The following METTL15 variants were observed in gnomAD, a reference collection of about 807,000 sequenced individuals.
The protein encoded by METTL15 is 12S rRNA N(4)-cytidine methyltransferase METTL15.
In METTL15, 34 loss-of-function variants were observed where a neutral mutation model predicts 38.3. The ratio of observed to expected loss-of-function variants is 0.89; its 90% CI spans 0.68 to 1.18. METTL15 has a LOEUF of 1.18. METTL15 is among the 50% of genes most tolerant of loss of function. The pLI is 0.00. For synonymous variants in METTL15, 162 were observed against 170.9 expected, an observed-to-expected ratio of 0.95 and a Z score of 0.41; for missense variants, 438 against 498.4, an observed-to-expected ratio of 0.88 and a Z score of 1.15.
At chr11:28,176,726 A>G (rs940009798) in intron 3 of METTL15, among the ~76,000 whole-genome samples, 16 of 152,060 alleles carry the variant, frequency 1.1e-4, no homozygotes, top group South Asian at 8.3e-4. Flanking sequence ...GTTATTATCT[A>G]TCTGACCTTT....
At chr11:28,175,778 A>G (rs1211040641) in intron 3 of METTL15, among the ~76,000 whole-genome samples, 1 of 152,072 alleles carries the variant, frequency 6.6e-6, no homozygotes, top group Non-Finnish European at 1.5e-5. Context: ...TTTTGCTGCC[A>G]TTGCCCTAAT....
At chr11:28,189,252 A>G (rs182766761) in intron 3 of METTL15, among the ~76,000 whole-genome samples, 3 of 151,448 alleles carry the variant, frequency 2.0e-5, no homozygotes, top group East Asian at 1.9e-4. Context: ...AAATTGCTAC[A>G]AAGTCACTAC....
chr11:28,375,850 G>T (rs1363260825), intron 5 of METTL15, among the ~76,000 whole-genome samples: 8 of 151,632 alleles, frequency 5.3e-5, no homozygotes, highest in Admixed American at 1.3e-4. Flanking sequence ...GCGTCCCAGA[G>T]ATTCTGGTAT....
intron 4 of METTL15, among the ~76,000 whole-genome samples, chr11:28,242,255 T>C (rs553860418): frequency 6.6e-6 from 1 of 152,330 alleles, no homozygotes; most frequent in African/African-American, 2.4e-5. Context: ...TGTTACTATA[T>C]TTAGGTTTAT....
At chr11:28,340,677 T>G (rs1238158188) in intron 3 of METTL15, among the ~76,000 whole-genome samples, 4 of 151,906 alleles carry the variant, frequency 2.6e-5, no homozygotes, top group Non-Finnish European at 5.9e-5. Flanking sequence ...AAACAACAGA[T>G]CTGGAGAGGA....
At chr11:28,143,549 C>T (rs1849772806) in intron 3 of METTL15, among the ~76,000 whole-genome samples, 2 of 152,112 alleles carry the variant, frequency 1.3e-5, no homozygotes, top group African/African-American at 4.8e-5. Flanking sequence ...GTACTTTGCT[C>T]TGTACTATTT....
rs1849842272 is a variant in METTL15 at position 28,332,468 on chromosome 11, G to A, written c.*1627G>A. The A allele has an allele frequency of 6.6e-6, 1 of 151,574 alleles. No homozygotes were observed. Among genetic ancestry groups the A allele is most frequent in the Admixed American group, 6.6e-5 (1 of 15,234 alleles). The allele number at this position is 151,574 out of a possible 1,614,324, so 9.4% of individuals were successfully genotyped here. On this transcript the variant is annotated 3_prime_UTR_variant, in exon 7 of 7. Transcript: ENST00000407364. Reference sequence around the variant, plus strand: ...TCATTTTTTCACCCTGTATAGTATGGGAATTATTTTTTATGTTAAATAGAA... The same window carrying A: ...TCATTTTTTCACCCTGTATAGTATGAGAATTATTTTTTATGTTAAATAGAA...
chr11:28,513,629 A>T (rs534511874), intron 6 of METTL15, among the ~76,000 whole-genome samples: 4 of 152,294 alleles, frequency 2.6e-5, no homozygotes, highest in Admixed American at 2.0e-4. Context: ...CCCCGAACAG[A>T]GATTTACCCA....
chr11:28,184,396 T>G (rs568060470), intron 3 of METTL15, among the ~76,000 whole-genome samples: 1 of 152,168 alleles, frequency 6.6e-6, no homozygotes, highest in East Asian at 1.9e-4. Flanking sequence ...TGTGGGCATT[T>G]AATGCTATAA....
intron 4 of METTL15, among the ~76,000 whole-genome samples, chr11:28,357,946 A>G (rs888681949): frequency 1.3e-5 from 2 of 152,068 alleles, no homozygotes; most frequent in Non-Finnish European, 2.9e-5. Context: ...CCTTTTCTCT[A>G]TCTAGTGTTA....
At chr11:28,334,534 ACT>A (rs1285975977), downstream of METTL15, among the ~76,000 whole-genome samples, 3 of 151,914 alleles carry the variant, frequency 2.0e-5, no homozygotes, top group Non-Finnish European at 2.9e-5. Context: ...TAAATTTGAA[ACT>A]CTGATCAAAG....
chr11:28,355,431 A>G (rs1255000233), intron 4 of METTL15, among the ~76,000 whole-genome samples: 1 of 152,080 alleles, frequency 6.6e-6, no homozygotes, highest in African/African-American at 2.4e-5. Flanking sequence ...TTTGGAGAAG[A>G]TTCACCATTA....
At chr11:28,397,938 G>C (rs1850588884) in intron 5 of METTL15, among the ~76,000 whole-genome samples, 1 of 152,030 alleles carries the variant, frequency 6.6e-6, no homozygotes, top group South Asian at 2.1e-4. Flanking sequence ...GTCCTTTGTG[G>C]GGACATGGAT....
intron 5 of METTL15, among the ~76,000 whole-genome samples, chr11:28,420,674 T>G (rs574379978): frequency 6.6e-6 from 1 of 152,128 alleles, no homozygotes; most frequent in South Asian, 2.1e-4. Flanking sequence ...AAACAAATCA[T>G]AATGGAAACA....
chr11:28,266,899 C>T (rs1855443779), intron 4 of METTL15, among the ~76,000 whole-genome samples: 1 of 152,152 alleles, frequency 6.6e-6, no homozygotes, highest in African/African-American at 2.4e-5. Flanking sequence ...GTGGCTCATG[C>T]CTATAATCCC....
At chr11:28,151,006 C>CA (rs34906623) in intron 3 of METTL15, among the ~76,000 whole-genome samples, 40,510 of 84,190 alleles carry the variant, frequency 0.48, 8,076 homozygotes, top group African/African-American at 0.62. Flanking sequence ...CAACAGTGAC[C>CA]AAAAAAAAAA....
intron 5 of METTL15, among the ~76,000 whole-genome samples, chr11:28,377,525 C>T (rs1850330903): frequency 6.6e-6 from 1 of 151,934 alleles, no homozygotes; most frequent in Non-Finnish European, 1.5e-5. Flanking sequence ...CCTTTAAGCA[C>T]TTCTCTGTAT....
intron 5 of METTL15, among the ~76,000 whole-genome samples, chr11:28,401,720 C>T (rs1257399064): frequency 6.6e-6 from 1 of 151,810 alleles, no homozygotes; most frequent in Non-Finnish European, 1.5e-5. Context: ...TCTCAATCCT[C>T]ATTTGGCTAG....
intron 3 of METTL15, among the ~76,000 whole-genome samples, chr11:28,167,182 C>T (rs1023428674): frequency 4.0e-5 from 6 of 151,890 alleles, no homozygotes; most frequent in African/African-American, 2.4e-5. Context: ...ATTATTACAG[C>T]GGGAGTTAGG....
Sources: allele counts gnomAD v4.1 joint callset (sites outside exome capture counted in the v4.1 genomes callset), GRCh38; gene constraint gnomAD v4.1.1; transcripts MANE v1.5; gene names NCBI Gene and HGNC (gene_info 2026-07-23, HGNC 2026-07-21).